The following ZMYND11 variants were observed in gnomAD, a reference collection of about 807,000 sequenced individuals.
ZMYND11 encodes zinc finger MYND-type containing 11.
A neutral mutation model predicts 84.9 loss-of-function variants in ZMYND11; 9 were observed. The ratio of observed to expected loss-of-function variants is 0.11; its 90% CI spans 0.06 to 0.18. ZMYND11 has a LOEUF of 0.18. ZMYND11 is among the 10% of genes least tolerant of loss of function. The pLI is 1.00. For missense variants in ZMYND11, 409 were observed against 761.0 expected (o/e 0.54, Z 5.44); for synonymous variants, 250 against 244.1 (o/e 1.02, Z -0.23).
chr10:208,632 G>A (rs912099004), intron 2 of ZMYND11, among the ~76,000 whole-genome samples: 5 of 152,144 alleles, frequency 3.3e-5, no homozygotes, highest in African/African-American at 1.2e-4. Context: ...TGTGGGCGTC[G>A]AGGACATTAG....
chr10:188,156 T>C (rs1939267621), intron 2 of ZMYND11, among the ~76,000 whole-genome samples: 1 of 152,168 alleles, frequency 6.6e-6, no homozygotes, highest in African/African-American at 2.4e-5. Flanking sequence ...AACAGTAATA[T>C]TAAATATTTA....
chr10:140,990 T>A (rs1463634310), intron 1 of ZMYND11, among the ~76,000 whole-genome samples: 2 of 152,236 alleles, frequency 1.3e-5, no homozygotes, highest in African/African-American at 4.8e-5. Context: ...TCATATGGAC[T>A]CTTCGATCTG....
chr10:200,716 A>G (rs1942991693), intron 2 of ZMYND11, among the ~76,000 whole-genome samples: 1 of 152,192 alleles, frequency 6.6e-6, no homozygotes, highest in African/African-American at 2.4e-5. Context: ...AGTGCTTTCA[A>G]TAGCAGTGTG....
chr10:247,157 G>A (rs1472829078), intron 11 of ZMYND11, among the ~76,000 whole-genome samples, 184 bp downstream of exon 11: 1 of 152,160 alleles, frequency 6.6e-6, no homozygotes, highest in Non-Finnish European at 1.5e-5. Flanking sequence ...AACAATCAAT[G>A]ACCTTGACCC....
At chr10:211,240 A>T (rs768123062) in intron 3 of ZMYND11, among the ~76,000 whole-genome samples, 4 of 151,962 alleles carry the variant, frequency 2.6e-5, no homozygotes, top group Non-Finnish European at 5.9e-5. Context: ...TTTTTCTTAA[A>T]AAGAAAAAAA....
chr10:210,165 T>C, intron 3 of ZMYND11, 117 bp downstream of exon 3: 1 of 1,155,368 alleles, frequency 8.7e-7, no homozygotes, highest in Non-Finnish European at 1.2e-6. Flanking sequence ...TTAACATTTG[T>C]ATCAACATTA....
At position 238,881 on chromosome 10, in the gene ZMYND11, A is replaced by G. The variant is rs150218519; in HGVS notation, c.610-557A>G. 3.1e-3 allele frequency among the ~76,000 whole-genome samples: 477 copies of G among 152,342 alleles called. 2 individuals carry two copies. The highest frequency in any genetic ancestry group is 8.5e-3 in the South Asian group (41 of 4,826). The stretch of plus-strand genomic sequence containing the variant: ...TCTTCCCCACTGCCTTTACTCATGC[A>G]GGTTCCTTCCTGTTGAAATCCTCTA... On this transcript the variant is annotated intron_variant, in intron 6 of 14. Transcript: ENST00000381604.
At chr10:177,302 C>G (rs72653003) in intron 1 of ZMYND11, among the ~76,000 whole-genome samples, 2 of 152,114 alleles carry the variant, frequency 1.3e-5, no homozygotes, top group Non-Finnish European at 2.9e-5. Context: ...ATTTCTCTCA[C>G]TTGGATTTGT....
chr10:213,145 G>A (rs752897365), intron 3 of ZMYND11, among the ~76,000 whole-genome samples: 3 of 152,150 alleles, frequency 2.0e-5, no homozygotes, highest in Non-Finnish European at 4.4e-5. Context: ...GGTGCCAGAT[G>A]TGAACTGTAC....
intron 10 of ZMYND11, among the ~76,000 whole-genome samples, chr10:245,627 C>T (rs998225131): frequency 6.6e-6 from 1 of 152,138 alleles, no homozygotes; most frequent in Non-Finnish European, 1.5e-5. Flanking sequence ...TGTGATGTTC[C>T]CTCTGCCTGG....
chr10:187,070 A>G (rs959120151), intron 2 of ZMYND11, among the ~76,000 whole-genome samples: 9 of 152,004 alleles, frequency 5.9e-5, no homozygotes, highest in Admixed American at 5.9e-4. Context: ...TCTACAAAAA[A>G]TCTGAAAAAT....
At chr10:217,480 G>A (rs934571721) in intron 3 of ZMYND11, among the ~76,000 whole-genome samples, 10 of 150,106 alleles carry the variant, frequency 6.7e-5, no homozygotes, top group African/African-American at 2.0e-4. Context: ...CCGAGATTTC[G>A]CCGTTGCACT....
chr10:244,572 G>A (rs1951733485), intron 10 of ZMYND11: 1 of 152,308 alleles, frequency 6.6e-6, no homozygotes, highest in Non-Finnish European at 1.5e-5. Context: ...AGTGGCTGGT[G>A]GATGGCATGG....
rs1200139228 is a variant in ZMYND11 at position 252,762 on chromosome 10, A to G, written c.*292A>G. On this transcript the variant is annotated 3_prime_UTR_variant, in exon 15 of 15. Coordinates refer to ENST00000381604, the MANE Select transcript of ZMYND11 (RefSeq NM_001370100.5). The surrounding 1 kb of genome is among the most constrained non-coding windows in gnomAD (Gnocchi z 4.6). ...CATTTTTAGGTTTTACAGAGATTTT[A>G]ACCTTTAAACAACAGATCTTTAAAA... The G allele has an allele frequency of 3.9e-6, 1 of 257,400 alleles. No homozygotes were observed. Among genetic ancestry groups the G allele is most frequent in the Non-Finnish European group, 7.4e-6 (1 of 134,788 alleles). 15.9% of individuals were successfully genotyped at this position (257,400 alleles called of 1,614,324 possible).
At chr10:240,747 A>G (rs750307309) in intron 8 of ZMYND11, 146 bp from the exon 9 acceptor site, 2 of 652,122 alleles carry the variant, frequency 3.1e-6, no homozygotes, top group Non-Finnish European at 5.1e-6. Flanking sequence ...ATTTATTGAA[A>G]ACTTTAAAAT....
intron 1 of ZMYND11, among the ~76,000 whole-genome samples, chr10:179,492 T>C (rs1847378037): frequency 6.6e-6 from 1 of 152,216 alleles, no homozygotes; most frequent in African/African-American, 2.4e-5. Context: ...GGAGTAACTT[T>C]CTTATATTTA....
chr10:190,764 T>G (rs1295961890), intron 2 of ZMYND11, among the ~76,000 whole-genome samples: 2 of 152,216 alleles, frequency 1.3e-5, no homozygotes, highest in African/African-American at 4.8e-5. Flanking sequence ...TTCTTCATTT[T>G]GTATTTTTCC....
chr10:239,630 TA>T, intron 7 of ZMYND11, 105 bp downstream of exon 7: 1 of 832,820 alleles, frequency 1.2e-6, no homozygotes, highest in Non-Finnish European at 1.9e-6. Flanking sequence ...ATTAATACCT[TA>T]ATGATCTACA....
At chr10:177,369 C>A (rs186683639) in intron 1 of ZMYND11, among the ~76,000 whole-genome samples, 1 of 152,210 alleles carries the variant, frequency 6.6e-6, no homozygotes, top group Non-Finnish European at 1.5e-5. Context: ...AATGATCATC[C>A]TCCTTATAGT....
Sources: gnomAD v4.1 joint callset for allele counts (sites outside exome capture counted in the v4.1 genomes callset) on GRCh38, gnomAD v4.1.1 for gene constraint, Gnocchi (gnomAD v3.1) non-coding constraint, MANE v1.5 for transcripts, NCBI Gene and HGNC (gene_info 2026-07-23, HGNC 2026-07-21) for gene names.